Variants in RSPH10B observed in about 807,000 individuals in gnomAD.
RSPH10B encodes radial spoke head 10 homolog B (Chlamydomonas).
In RSPH10B, 7 loss-of-function variants were observed where a neutral mutation model predicts 52.5. The observed-to-expected ratio is 0.13, with a 90% CI of 0.08 to 0.25. The LOEUF is 0.25. RSPH10B is among the 10% of genes least tolerant of loss of function. The pLI is 1.00. For missense variants in RSPH10B, 89 were observed against 542.5 expected (o/e 0.16, Z 8.30); for synonymous variants, 28 against 193.2 (o/e 0.14, Z 7.09).
upstream of RSPH10B, among the ~76,000 whole-genome samples, chr7:5,968,669 G>A (rs1276100882): frequency 7.3e-5 from 5 of 68,042 alleles, no homozygotes; most frequent in East Asian, 4.2e-4. Flanking sequence ...ACCACACCTG[G>A]CTAATTCTTT....
Position 5,958,990 on chromosome 7 carries a change from T to A in RSPH10B, c.659+3A>T, listed in dbSNP as rs1355824058. On this transcript the variant is annotated splice_donor_region_variant and intron_variant, in intron 5 of 18. Transcript: ENST00000337579. ...CCCCAAGCGCGGCGGTGGTCATACC[T>A]ACCATCTTATTCCCCAGCCCTTTTT... 7.5e-7 allele frequency: 1 copy of A among 1,327,000 alleles called. No individual in the cohort carries two copies. Among genetic ancestry groups the A allele is most frequent in the Non-Finnish European group, 1.1e-6 (1 of 936,440 alleles). The allele number at this position is 1,327,000 out of a possible 1,614,324, so 82.2% of individuals were successfully genotyped here.
At position 5,927,054 on chromosome 7, in the gene RSPH10B, G is replaced by GTATT. The variant is rs1562553121; in HGVS notation, c.2433-507_2433-506insAATA. Among the ~76,000 whole-genome samples the GTATT allele has an allele frequency of 9.1e-5, 7 of 77,184 alleles. No individual in the cohort carries two copies. The East Asian group carries it at 1.3e-3, about 14-fold the overall frequency. The allele number at this position is 77,184 out of a possible 152,430, so 50.6% of individuals were successfully genotyped here. On this transcript the variant is annotated intron_variant, in intron 18 of 18. Transcript: ENST00000337579. ...GTGTGTGTGTGTGTGTGTATTATGT[G>GTATT]TGTGTGTGTGTGTATATGTGTGTGT...
chr7:5,927,052 G>GA, intron 18 of RSPH10B, among the ~76,000 whole-genome samples: 1 of 49,582 alleles, frequency 2.0e-5, no homozygotes, highest in Non-Finnish European at 5.4e-5. Context: ...TGTGTATTAT[G>GA]TGTGTGTGTG....
rs1485676596 is a variant in RSPH10B at position 5,940,939 on chromosome 7, A to T, written c.1759-2110T>A. ...AGACTGTCAAAATAATAATAATAAT[A>T]ATAATTATTATTATTATTATTATTA... On this transcript the variant is annotated intron_variant, in intron 13 of 18. Transcript: ENST00000337579. Among the ~76,000 whole-genome samples, 381 of 49,812 alleles carry T rather than the reference A, an allele frequency of 7.6e-3. 16 individuals carry two copies. Among genetic ancestry groups the T allele is most frequent in the Middle Eastern group, 0.021 (2 of 94 alleles). The allele number at this position is 49,812 out of a possible 152,430, so 32.7% of individuals were successfully genotyped here.
At chr7:5,929,029 T>TA (rs1779680758) in intron 17 of RSPH10B, among the ~76,000 whole-genome samples, 1 of 145,316 alleles carries the variant, frequency 6.9e-6, no homozygotes, top group Admixed American at 6.9e-5. Context: ...CTTTTTTTTT[T>TA]AAAGACAAGC....
At chr7:5,941,450 G>A (rs942797968) in intron 13 of RSPH10B, among the ~76,000 whole-genome samples, 15 of 145,142 alleles carry the variant, frequency 1.0e-4, no homozygotes, top group Admixed American at 2.1e-4. Flanking sequence ...CAAATTAAAA[G>A]TACCATGGAA....
chr7:5,947,841 G>A (rs1780492009), intron 10 of RSPH10B, among the ~76,000 whole-genome samples: 1 of 80,838 alleles, frequency 1.2e-5, no homozygotes, highest in Non-Finnish European at 2.7e-5. Flanking sequence ...CTGGCCTGGG[G>A]GTTGGGGACC....
chr7:5,927,050 ATGTGTGTGTGTGTGTG>A, intron 18 of RSPH10B, among the ~76,000 whole-genome samples: 1 of 56,136 alleles, frequency 1.8e-5, no homozygotes, highest in East Asian at 3.9e-4. Context: ...TGTGTGTATT[ATGTGTGTGTGTGTGTG>A]TATATGTGTG....
intron 14 of RSPH10B, 94 bp downstream of exon 16, chr7:5,938,628 G>GAAAAA (rs1194387261): frequency 1.6e-5 from 1 of 63,224 alleles, no homozygotes; most frequent in African/African-American, 7.3e-5. Context: ...ATGAAAAAAA[G>GAAAAA]AAAAAAAAAA....
At chr7:5,928,743 T>C (rs1254167380) in intron 17 of RSPH10B, among the ~76,000 whole-genome samples, 2 of 150,496 alleles carry the variant, frequency 1.3e-5, no homozygotes, top group African/African-American at 4.9e-5. Flanking sequence ...GCGATTCTCA[T>C]GCCTCAGCCT....
At chr7:5,942,075 A>G (rs1780223297) in intron 13 of RSPH10B, among the ~76,000 whole-genome samples, 1 of 148,898 alleles carries the variant, frequency 6.7e-6, no homozygotes, top group Non-Finnish European at 1.5e-5. Context: ...TTGTATTTTT[A>G]GTCGAAAGGG....
rs1780153195 is a variant in RSPH10B, at chr7:5,940,946, ATTATT to A, written c.1759-2122_1759-2118del. On this transcript the variant is annotated intron_variant, in intron 13 of 18. Coordinates refer to ENST00000337579, the Ensembl canonical transcript of RSPH10B. ...CAAAATAATAATAATAATAATAATT[ATTATT>A]ATTATTATTATTATTATTATTCAAT... 2.8e-3 allele frequency among the ~76,000 whole-genome samples: 154 copies of A among 55,454 alleles called. No homozygotes were observed. In the East Asian group the frequency reaches 0.028, roughly 10 times the overall value. 36.4% of individuals were successfully genotyped at this position (55,454 alleles called of 152,430 possible). A position where few individuals can be genotyped will look rare whatever the true frequency, so the allele number is the denominator to read the frequency against.
chr7:5,927,082 G>GTATATA (rs1562553449), intron 18 of RSPH10B, among the ~76,000 whole-genome samples: 128 of 123,642 alleles, frequency 1.0e-3, no homozygotes, highest in African/African-American at 4.0e-3. Context: ...GTGTGTGTGT[G>GTATATA]TGTGTGTGTG....
chr7:5,942,242 G>A (rs1469771186), intron 13 of RSPH10B, among the ~76,000 whole-genome samples: 1 of 141,494 alleles, frequency 7.1e-6, no homozygotes, highest in Non-Finnish European at 1.6e-5. Context: ...AGACTAAGGT[G>A]TTCCTCCATT....
upstream of RSPH10B, among the ~76,000 whole-genome samples, chr7:5,968,650 GCGCC>G (rs1429154174): frequency 7.3e-5 from 5 of 68,536 alleles, no homozygotes; most frequent in East Asian, 2.1e-3. Flanking sequence ...AGGACTACAG[GCGCC>G]CACCACCACA....
At chr7:5,940,012 T>C (rs1485018540) in intron 13 of RSPH10B, among the ~76,000 whole-genome samples, 1 of 120,550 alleles carries the variant, frequency 8.3e-6, no homozygotes, top group East Asian at 2.1e-4. Flanking sequence ...CTGGCCAACA[T>C]GGACAAACCG....
chr7:5,927,029 GTGTGTGTGTGTGTGTGTATTA>G (rs1301712923), intron 18 of RSPH10B, among the ~76,000 whole-genome samples: 9 of 32,862 alleles, frequency 2.7e-4, no homozygotes, highest in African/African-American at 3.8e-4. Context: ...TTACGTGTGT[GTGTGTGTGTGTGTGTGTATTA>G]TGTGTGTGTG....
At position 5,960,076 on chromosome 7, in the gene RSPH10B, C is replaced by CACA. The variant is rs377367455; in HGVS notation, c.573+612_573+614dup. On this transcript the variant is annotated intron_variant, in intron 4 of 18. Transcript: ENST00000337579. ...ACACACACACACACACACACACACA[C>CACA]ACAACAACAACAACAACACAACTCA... Among the ~76,000 whole-genome samples the CACA allele has an allele frequency of 1.8e-3, 59 of 32,310 alleles. 19 individuals carry two copies. Among genetic ancestry groups the CACA allele is most frequent in the Admixed American group, 3.3e-3 (14 of 4,228 alleles). The allele number at this position is 32,310 out of a possible 152,430, so 21.2% of individuals were successfully genotyped here.
chr7:5,928,960 T>C (rs556975815), intron 17 of RSPH10B, among the ~76,000 whole-genome samples: 1 of 148,032 alleles, frequency 6.8e-6, no homozygotes, highest in East Asian at 2.3e-4. Context: ...ATTTGGGTTT[T>C]CTGATACTTT....
Sources: allele counts gnomAD v4.1 joint callset (sites outside exome capture counted in the v4.1 genomes callset), GRCh38; gene constraint gnomAD v4.1.1; transcripts MANE v1.5; gene names NCBI Gene and HGNC (gene_info 2026-07-23, HGNC 2026-07-21).